Variants in RACGAP1 observed in about 807,000 individuals in gnomAD.
RACGAP1 encodes the protein rac GTPase-activating protein 1.
A neutral mutation model predicts 78.1 loss-of-function variants in RACGAP1; 30 were observed. That is an observed-to-expected ratio of 0.38 (90% CI 0.29 to 0.52). The LOEUF (loss-of-function observed/expected upper bound fraction) is 0.52. Ranked by LOEUF, RACGAP1 falls within the 20% of genes least tolerant of loss-of-function variation. The pLI is 0.82. For missense variants in RACGAP1, 587 were observed against 777.1 expected (o/e 0.76, Z 2.91); for synonymous variants, 231 against 264.8 (o/e 0.87, Z 1.24).
intron 1 of RACGAP1, 166 bp downstream of exon 1, chr12:50,025,232 G>T (rs1397236106): frequency 1.3e-5 from 12 of 894,416 alleles, no homozygotes; most frequent in African/African-American, 1.3e-4. Flanking sequence ...GACCTGCCAC[G>T]ACCCCCACCC....
intron 12 of RACGAP1, among the ~76,000 whole-genome samples, chr12:49,993,301 T>G (rs138924506): frequency 2.1e-4 from 32 of 152,202 alleles, no homozygotes; most frequent in African/African-American, 7.5e-4. Flanking sequence ...GGGAGTAAAC[T>G]TGGTATATTC....
intron 1 of RACGAP1, among the ~76,000 whole-genome samples, chr12:50,032,538 T>A (rs78621125): frequency 3.7e-4 from 12 of 32,854 alleles, no homozygotes; most frequent in Non-Finnish European, 2.1e-3. Context: ...AAAAGGTGAG[T>A]GTGTGTGTGT....
Position 49,989,632 on chromosome 12 carries a change from T to G in RACGAP1, c.*636A>C, listed in dbSNP as rs1403830703. ...AGTTGTACTTTCACATTTACAAGGT[T>G]GTGCCACTCAACACTATTAAAGACC... On this transcript the variant is annotated 3_prime_UTR_variant, in exon 17 of 17. Coordinates refer to ENST00000312377, the MANE Select transcript of RACGAP1 (RefSeq NM_001319999.2). 6.6e-6 allele frequency: 1 copy of G among 152,220 alleles called. No homozygotes were observed. The highest frequency in any genetic ancestry group is 1.5e-5 in the Non-Finnish European group (1 of 68,036). 9.4% of individuals were successfully genotyped at this position (152,220 alleles called of 1,614,324 possible). A position where few individuals can be genotyped will look rare whatever the true frequency, so the allele number is the denominator to read the frequency against.
At chr12:50,027,379 T>C (rs1011680791), upstream of RACGAP1, among the ~76,000 whole-genome samples, 14 of 152,182 alleles carry the variant, frequency 9.2e-5, no homozygotes, top group African/African-American at 3.4e-4. Flanking sequence ...AAGCAATTAA[T>C]CCTATCTGGG....
Position 49,992,381 on chromosome 12 carries a change from A to C in RACGAP1, c.1446-4T>G, listed in dbSNP as rs1476642122. The C allele has an allele frequency of 6.2e-7, 1 of 1,613,000 alleles. No homozygotes were observed. The highest frequency in any genetic ancestry group is 2.2e-5 in the East Asian group (1 of 44,842). On this transcript the variant is annotated splice_region_variant and splice_polypyrimidine_tract_variant and intron_variant, in intron 13 of 16. Transcript: ENST00000312377. ...AGTATGTGGACTCTGAGCCACTCTA[A>C]GCAAAAGAATATTAAATTAGAAGTC...
intron 1 of RACGAP1, 141 bp from the exon 2 acceptor site, chr12:50,016,860 G>A: frequency 1.5e-6 from 2 of 1,371,658 alleles, no homozygotes; most frequent in Non-Finnish European, 1.9e-6. Context: ...GCTAACAACA[G>A]ATGTTTTGTG....
At position 49,994,245 on chromosome 12, in the gene RACGAP1, G is replaced by C. The variant is rs893441125; in HGVS notation, c.1225C>G (p.Leu409Val). 9 of 1,614,054 alleles carry C rather than the reference G, an allele frequency of 5.6e-6. No homozygotes were observed. Among genetic ancestry groups the C allele is most frequent in the Non-Finnish European group, 5.9e-6 (7 of 1,180,038 alleles). ...KFLRVKTVPL[L>V]SKVDDIHAIC... ...GCATGGATATCATCCACTTTGCTGAGGAGGGGTACAGTTTTCACTCTGAGG... is the reference window on the plus strand; with the variant it reads ...GCATGGATATCATCCACTTTGCTGACGAGGGGTACAGTTTTCACTCTGAGG... Residue 409 changes from leucine (L) to valine (V), a missense_variant, in exon 12 of 17, where the codon CTC becomes GTC. By Grantham distance (32) the Leu-to-Val change is conservative. Coordinates refer to ENST00000312377, the MANE Select transcript of RACGAP1 (RefSeq NM_001319999.2).
intron 7 of RACGAP1, 121 bp from the exon 8 acceptor site, chr12:49,999,854 G>A (rs1338480917): frequency 1.4e-6 from 1 of 725,796 alleles, no homozygotes; most frequent in Non-Finnish European, 2.3e-6. Context: ...ACCCCAGTCT[G>A]ATACTTTTTT....
At position 49,994,522 on chromosome 12, in the gene RACGAP1, A is replaced by AAT; in HGVS notation, c.1045-14_1045-13insAT. ...CTGCCAGCATTCCCTGGAAAAAAAA[A>AAT]AGAGCTTTAAATTATTATTTACGCC... On this transcript the variant is annotated splice_polypyrimidine_tract_variant and intron_variant, in intron 10 of 16. Transcript: ENST00000312377. 3 of 1,608,226 alleles carry AAT rather than the reference A, an allele frequency of 1.9e-6. No homozygotes were observed. Among genetic ancestry groups the AAT allele is most frequent in the Admixed American group, 1.7e-5 (1 of 58,832 alleles).
rs752606761 is a variant in RACGAP1 at position 49,997,101 on chromosome 12, C to T, written c.983G>A (p.Arg328Gln). The T allele has an allele frequency of 2.5e-6, 4 of 1,608,146 alleles. No homozygotes were observed. Among genetic ancestry groups the T allele is most frequent in the Admixed American group, 1.7e-5 (1 of 59,812 alleles). ...AATGCAGGGAAGGGGACAGCGGTCC[C>T]GACATTCTGGATGAGAGACCACACG... The part of the protein sequence containing the change: ...DCRVVSHPEC[R>Q]DRCPLPCIPT... The change falls in exon 10 of 17, where the codon CGG (arginine) becomes CAG (glutamine). Residue 328 changes from arginine to glutamine, a missense_variant. Coordinates refer to ENST00000312377, the MANE Select transcript of RACGAP1 (RefSeq NM_001319999.2).
At chr12:50,000,694 C>G (rs924247338) in intron 7 of RACGAP1, among the ~76,000 whole-genome samples, 2 of 152,172 alleles carry the variant, frequency 1.3e-5, no homozygotes, top group African/African-American at 4.8e-5. Context: ...CTCACTCTGA[C>G]AGTTGTTTAC....
At position 49,990,455 on chromosome 12, in the gene RACGAP1, T is replaced by G. The variant is rs1592119040; in HGVS notation, c.1824-112A>C. On this transcript the variant is annotated intron_variant, in intron 16 of 16. Transcript: ENST00000312377. ...ATAAGTAGGAAACCCTAGACAACTA[T>G]TTTGCAATAGTTGCTTAAGTATTCT... 9 of 1,004,720 alleles carry G rather than the reference T, an allele frequency of 9.0e-6. No homozygotes were observed. The East Asian group carries it at 2.4e-4, about 26-fold the overall frequency. The allele number at this position is 1,004,720 out of a possible 1,614,324, so 62.2% of individuals were successfully genotyped here. A position where few individuals can be genotyped will look rare whatever the true frequency, so the allele number is the denominator to read the frequency against.
chr12:50,025,628 TG>T, upstream of RACGAP1: 1 of 862,900 alleles, frequency 1.2e-6, no homozygotes, highest in African/African-American at 1.8e-5. Context: ...AAGCCAAAGG[TG>T]GCCATTTTGA....
chr12:49,991,479 A>ATATTTTTTTTTTTTT (rs1555169074), intron 15 of RACGAP1, among the ~76,000 whole-genome samples: 1 of 24,094 alleles, frequency 4.2e-5, no homozygotes, highest in African/African-American at 1.4e-4. Flanking sequence ...ATATATATAT[A>ATATTTTTTTTTTTTT]TTTTTTTTTT....
chr12:50,004,328 G>A (rs1592168612), intron 4 of RACGAP1, 24 bp from the exon 5 acceptor site: 29 of 1,572,398 alleles, frequency 1.8e-5, no homozygotes, highest in Non-Finnish European at 2.2e-5. Flanking sequence ...ACAATACAAC[G>A]TTAGACATGG....
chr12:49,991,491 T>A (rs1475255152), intron 15 of RACGAP1, among the ~76,000 whole-genome samples: 14 of 44,522 alleles, frequency 3.1e-4, no homozygotes, highest in Admixed American at 1.7e-3. Flanking sequence ...TTTTTTTTTT[T>A]TTTTTTTTTT....
chr12:50,033,313 G>A (rs73297492), upstream of RACGAP1, among the ~76,000 whole-genome samples: 1 of 151,136 alleles, frequency 6.6e-6, no homozygotes, highest in East Asian at 2.0e-4. Context: ...GGCCTGCAGC[G>A]CAGAGTGCGG....
chr12:50,001,631 A>G (rs1474118570), intron 6 of RACGAP1, among the ~76,000 whole-genome samples: 1 of 152,266 alleles, frequency 6.6e-6, no homozygotes, highest in Non-Finnish European at 1.5e-5. Context: ...AGCTTATATT[A>G]GAGCACAAAA....
intron 15 of RACGAP1, 122 bp from the exon 16 acceptor site, chr12:49,990,914 G>T: frequency 1.5e-6 from 1 of 657,066 alleles, no homozygotes; most frequent in South Asian, 2.0e-5. Flanking sequence ...ATCTAGCAAA[G>T]TCCCAGAGAT....
Sources: gnomAD v4.1 joint callset for allele counts (sites outside exome capture counted in the v4.1 genomes callset) on GRCh38, gnomAD v4.1.1 for gene constraint, MANE v1.5 for transcripts, NCBI Gene and HGNC (gene_info 2026-07-23, HGNC 2026-07-21) for gene names.